ERLIN1: variants seen among roughly 807,000 people sequenced by gnomAD.
ERLIN1 encodes the protein ER lipid raft associated 1.
In ERLIN1, 24 loss-of-function variants were observed where a neutral mutation model predicts 46.9. The ratio of observed to expected loss-of-function variants is 0.51; its 90% CI spans 0.37 to 0.72. The LOEUF (loss-of-function observed/expected upper bound fraction) is 0.72, where lower values mean the gene tolerates loss of function less well. Among genes scored for constraint, ERLIN1 ranks in the 30% least tolerant of loss-of-function variants. The probability of loss-of-function intolerance (pLI) is 0.00; values close to 1 mark genes in which losing one functional copy is unlikely to be tolerated. For missense variants in ERLIN1, 293 were observed against 417.9 expected (o/e 0.70, Z 2.61); for synonymous variants, 158 against 143.2 (o/e 1.10, Z -0.74).
chr10:100,156,667 C>T (rs983518041), intron 8 of ERLIN1, among the ~76,000 whole-genome samples: 1 of 152,060 alleles, frequency 6.6e-6, no homozygotes, highest in South Asian at 2.1e-4. Flanking sequence ...TGGAAGTAAT[C>T]TTAAAGGAAA....
intron 6 of ERLIN1, among the ~76,000 whole-genome samples, chr10:100,170,137 A>AT (rs1843906066): frequency 6.6e-6 from 1 of 152,228 alleles, no homozygotes; most frequent in African/African-American, 2.4e-5. Flanking sequence ...AAAGGCCATT[A>AT]TTTTTTAAAA....
intron 2 of ERLIN1, among the ~76,000 whole-genome samples, chr10:100,180,235 A>G (rs1224818302): frequency 2.0e-5 from 3 of 152,192 alleles, no homozygotes; most frequent in Non-Finnish European, 4.4e-5. Flanking sequence ...GGCCTCAAAT[A>G]GGTCAGCACC....
intron 4 of ERLIN1, among the ~76,000 whole-genome samples, chr10:100,177,457 T>C (rs116156103): frequency 0.012 from 1,774 of 152,314 alleles, 45 homozygotes; most frequent in African/African-American, 0.04. Flanking sequence ...CATCCCAATA[T>C]ATCCTTTTTT....
chr10:100,156,121 C>G, intron 9 of ERLIN1, 24 bp downstream of exon 9: 2 of 1,507,820 alleles, frequency 1.3e-6, no homozygotes, highest in Non-Finnish European at 1.8e-6. Flanking sequence ...ACAGGCAGAG[C>G]TTCATCCTCT....
In ERLIN1 at chr10:100,151,120, C is replaced by G. The variant is rs1842782661; in HGVS notation, c.*1011G>C. ...ACCATGGCAGCCCTAGGACTTGGGC[C>G]TTTAGACAGAGGTGATGGGGCAAAT... On this transcript the variant is annotated 3_prime_UTR_variant, in exon 11 of 11. Transcript: ENST00000421367. The G allele has an allele frequency of 6.6e-6, 1 of 152,574 alleles. No homozygotes were observed. The highest frequency in any genetic ancestry group is 2.4e-5 in the African/African-American group (1 of 41,424). The allele number at this position is 152,574 out of a possible 1,614,324, so 9.5% of individuals were successfully genotyped here. A position where few individuals can be genotyped will look rare whatever the true frequency, so the allele number is the denominator to read the frequency against.
chr10:100,180,805 A>G (rs1401442616), intron 2 of ERLIN1, among the ~76,000 whole-genome samples: 1 of 152,186 alleles, frequency 6.6e-6, no homozygotes, highest in African/African-American at 2.4e-5. Context: ...TCCTTTTCTC[A>G]CATGTGATGT....
At position 100,152,351 on chromosome 10, in the gene ERLIN1, T is replaced by C; in HGVS notation, c.827A>G (p.His276Arg). Residue 276 changes from histidine (H) to arginine (R), a missense_variant and splice_region_variant, in exon 11 of 11, where the codon CAC becomes CGC. Around this residue, in one of 3 missense-constraint regions of ERLIN1, gnomAD observed 148 missense variants for 266.5 expected, o/e 0.56. Transcript: ENST00000421367. ...AAHKYATSNKHKLTPEYLELK... is the reference protein window; with the variant it reads ...AAHKYATSNKRKLTPEYLELK... ...CTCCAGATATTCCGGGGTCAACTTG[T>C]GCTGTGTGGGAGCAAACAAGAGCAA... 2 of 1,599,386 alleles carry C rather than the reference T, an allele frequency of 1.3e-6. No individual in the cohort carries two copies. Among genetic ancestry groups the C allele is most frequent in the South Asian group, 1.1e-5 (1 of 90,874 alleles).
At chr10:100,179,458 ATT>A (rs371022068) in intron 2 of ERLIN1, among the ~76,000 whole-genome samples, 10 of 143,458 alleles carry the variant, frequency 7.0e-5, no homozygotes, top group Admixed American at 1.4e-4. Flanking sequence ...TTTTACAGCA[ATT>A]TTTTTTTTTT....
intron 5 of ERLIN1, among the ~76,000 whole-genome samples, chr10:100,175,336 GT>G: frequency 6.6e-6 from 1 of 152,326 alleles, no homozygotes; most frequent in Non-Finnish European, 1.5e-5. Context: ...CCTTCCAGGA[GT>G]CTGGAATTTT....
intron 2 of ERLIN1, among the ~76,000 whole-genome samples, chr10:100,181,461 T>G (rs1844638595): frequency 6.6e-6 from 1 of 152,158 alleles, no homozygotes; most frequent in Non-Finnish European, 1.5e-5. Context: ...TCTTCTAATA[T>G]GTTCCAAAAA....
Position 100,150,828 on chromosome 10 carries a change from A to T in ERLIN1, c.*1303T>A, listed in dbSNP as rs1351212763. 1.3e-5 allele frequency: 2 copies of T among 152,262 alleles called. No homozygotes were observed. The highest frequency in any genetic ancestry group is 2.9e-5 in the Non-Finnish European group (2 of 68,054). 9.4% of individuals were successfully genotyped at this position (152,262 alleles called of 1,614,324 possible). On this transcript the variant is annotated 3_prime_UTR_variant, in exon 11 of 11. Transcript: ENST00000421367. Reference sequence around the variant, plus strand: ...CCAGAAAAGTTAAACTGAAGGAAAAAAAGGGTCCACATGAAGTAGGTCTCC... The same window carrying T: ...CCAGAAAAGTTAAACTGAAGGAAAATAAGGGTCCACATGAAGTAGGTCTCC...
intron 8 of ERLIN1, 82 bp downstream of exon 8, chr10:100,163,922 C>T (rs1447865328): frequency 3.5e-6 from 3 of 857,662 alleles, no homozygotes; most frequent in Non-Finnish European, 5.7e-6. Context: ...TTACTGAGTC[C>T]CATGATACCC....
intron 10 of ERLIN1, 91 bp downstream of exon 10, chr10:100,154,769 A>G: frequency 1.0e-6 from 1 of 996,344 alleles, no homozygotes; most frequent in Non-Finnish European, 1.5e-6. Flanking sequence ...TTGACAATGG[A>G]TAAAATCACT....
Position 100,185,814 on chromosome 10 carries a change from C to T in ERLIN1, c.-188G>A. 1 of 590,198 alleles carries T rather than the reference C, an allele frequency of 1.7e-6. No individual in the cohort carries two copies. The highest frequency in any genetic ancestry group is 3.0e-6 in the Non-Finnish European group (1 of 330,686). The allele number at this position is 590,198 out of a possible 1,614,324, so 36.6% of individuals were successfully genotyped here. On this transcript the variant is annotated 5_prime_UTR_variant, in exon 1 of 11. Coordinates refer to ENST00000421367, the MANE Select transcript of ERLIN1 (RefSeq NM_006459.4). ...GCCCGCTGACCCCTTGCCAACTCCTCCGCCCCCGGAGGCCAGTGGGCCGCC... is the reference window on the plus strand; with the variant it reads ...GCCCGCTGACCCCTTGCCAACTCCTTCGCCCCCGGAGGCCAGTGGGCCGCC...
intron 6 of ERLIN1, among the ~76,000 whole-genome samples, chr10:100,168,833 C>A (rs1308368779): frequency 6.6e-6 from 1 of 152,072 alleles, no homozygotes; most frequent in Non-Finnish European, 1.5e-5. Flanking sequence ...GCATGCGCCA[C>A]CAAGCCCGAC....
At chr10:100,153,736 T>G (rs1193534982) in intron 10 of ERLIN1, among the ~76,000 whole-genome samples, 1 of 152,180 alleles carries the variant, frequency 6.6e-6, no homozygotes, top group Admixed American at 6.5e-5. Context: ...CTACTGCCCC[T>G]TTCTGAATAA....
chr10:100,165,083 C>T (rs1013680802), intron 7 of ERLIN1, among the ~76,000 whole-genome samples: 1 of 152,096 alleles, frequency 6.6e-6, no homozygotes, highest in African/African-American at 2.4e-5. Flanking sequence ...TAAGCATGTA[C>T]AAGTAGCTAC....
At chr10:100,169,984 C>T (rs1404642122) in intron 6 of ERLIN1, among the ~76,000 whole-genome samples, 1 of 152,062 alleles carries the variant, frequency 6.6e-6, no homozygotes, top group East Asian at 1.9e-4. Flanking sequence ...TGCCACTGCA[C>T]TCCAGCCTGG....
chr10:100,155,371 C>T (rs1003811049), intron 9 of ERLIN1, among the ~76,000 whole-genome samples: 11 of 151,986 alleles, frequency 7.2e-5, no homozygotes, highest in Admixed American at 1.3e-4. Flanking sequence ...ACTTCAAGAC[C>T]GAGCTAAGAA....
Sources: gnomAD v4.1 joint callset for allele counts (sites outside exome capture counted in the v4.1 genomes callset) on GRCh38, gnomAD v4.1.1 for gene constraint, gnomAD v4.1.1 regional missense constraint, MANE v1.5 for transcripts, NCBI Gene and HGNC (gene_info 2026-07-23, HGNC 2026-07-21) for gene names.